Variants in BICC1 observed in about 807,000 individuals in gnomAD.
The protein encoded by BICC1 is protein bicaudal C homolog 1.
In BICC1, 43 loss-of-function variants were observed where a neutral mutation model predicts 111.0. The observed-to-expected ratio is 0.39, with a 90% CI of 0.30 to 0.50. The LOEUF (loss-of-function observed/expected upper bound fraction) is 0.50, where lower values mean the gene tolerates loss of function less well. Among genes scored for constraint, BICC1 ranks in the 20% least tolerant of loss-of-function variants. BICC1 has a pLI of 0.88. For missense variants in BICC1, 1,091 were observed against 1,203.2 expected (o/e 0.91, Z 1.38); for synonymous variants, 467 against 434.4 (o/e 1.07, Z -0.93).
At chr10:58,747,502 A>C (rs1222459582) in intron 3 of BICC1, among the ~76,000 whole-genome samples, 1 of 152,100 alleles carries the variant, frequency 6.6e-6, no homozygotes, top group African/African-American at 2.4e-5. Flanking sequence ...AAATTATCGT[A>C]TACATTTATG....
chr10:58,716,953 T>C lies in BICC1; in HGVS notation c.307+14810T>C, dbSNP rs1196623563. On this transcript the variant is annotated intron_variant, in intron 3 of 20. Transcript: ENST00000373886. ...TCCTTGGATGCTGTCATATGCTGCT[T>C]TGAGTGAACCAGAGAAACAGCCATT... Among the ~76,000 whole-genome samples the C allele has an allele frequency of 8.0e-5, 12 of 149,278 alleles. No individual in the cohort carries two copies. The East Asian group carries it at 2.3e-3, about 29-fold the overall frequency.
intron 2 of BICC1, among the ~76,000 whole-genome samples, chr10:58,645,853 T>A (rs1030487299): frequency 2.0e-5 from 3 of 152,198 alleles, no homozygotes; most frequent in Non-Finnish European, 4.4e-5. Flanking sequence ...GTTGCCTTTT[T>A]ATTTGGTGTT....
chr10:58,796,781 G>T (rs937695201), intron 10 of BICC1, among the ~76,000 whole-genome samples: 11 of 152,188 alleles, frequency 7.2e-5, no homozygotes, highest in Admixed American at 7.2e-4. Context: ...GGCTGTGTTT[G>T]TTCTAAATTA....
intron 2 of BICC1, among the ~76,000 whole-genome samples, chr10:58,644,497 G>A (rs1212894254): frequency 1.3e-5 from 2 of 152,066 alleles, no homozygotes; most frequent in African/African-American, 4.8e-5. Context: ...ACCCGTCCCC[G>A]TGCCTGGGAA....
At chr10:58,715,521 C>G in intron 3 of BICC1, 2 of 1,319,626 alleles carry the variant, frequency 1.5e-6, no homozygotes, top group South Asian at 1.2e-5. Flanking sequence ...CCTGGTTTCC[C>G]TCGGCGTGCC....
intron 1 of BICC1, 61 bp from the exon 2 acceptor site, chr10:58,620,794 G>A (rs905542671): frequency 1.4e-5 from 22 of 1,534,654 alleles, no homozygotes; most frequent in Admixed American, 7.0e-5. Flanking sequence ...TCTGATGCTC[G>A]AAAGTTTTTT....
intron 1 of BICC1, among the ~76,000 whole-genome samples, chr10:58,566,263 CATATGTAT>C (rs1367351292): frequency 8.1e-6 from 1 of 123,936 alleles, no homozygotes; most frequent in Non-Finnish European, 1.7e-5. Flanking sequence ...TACATACGTG[CATATGTAT>C]ATATGTATAG....
chr10:58,727,665 TA>T (rs1384108420), intron 3 of BICC1, among the ~76,000 whole-genome samples: 1 of 152,180 alleles, frequency 6.6e-6, no homozygotes, highest in Admixed American at 6.5e-5. Context: ...AAAGTTGTAC[TA>T]AAAAATAGAT....
chr10:58,521,793 T>C (rs1324865268), intron 1 of BICC1, among the ~76,000 whole-genome samples: 14 of 66,392 alleles, frequency 2.1e-4, no homozygotes, highest in Admixed American at 1.1e-3. Flanking sequence ...TTTTTTTTTT[T>C]TTTTTTTTTT....
At chr10:58,512,865 C>T (rs1478725336), upstream of BICC1, among the ~76,000 whole-genome samples, 16 of 148,030 alleles carry the variant, frequency 1.1e-4, no homozygotes, top group Non-Finnish European at 2.4e-4. Flanking sequence ...GGCAGCGCGG[C>T]GCGCTCATTC....
intron 2 of BICC1, among the ~76,000 whole-genome samples, chr10:58,686,233 T>C (rs1839721320): frequency 6.6e-6 from 1 of 152,336 alleles, no homozygotes; most frequent in Non-Finnish European, 1.5e-5. Context: ...CCGAGAGATC[T>C]GCTGTTAGTC....
intron 1 of BICC1, among the ~76,000 whole-genome samples, chr10:58,579,924 T>C (rs910235826): frequency 4.6e-5 from 7 of 152,190 alleles, no homozygotes; most frequent in African/African-American, 1.7e-4. Context: ...CACTCCAGTT[T>C]AGTTTCATGG....
intron 3 of BICC1, among the ~76,000 whole-genome samples, chr10:58,774,015 T>C (rs1842685228): frequency 6.6e-6 from 1 of 152,206 alleles, no homozygotes; most frequent in African/African-American, 2.4e-5. Context: ...AGAGAGATGT[T>C]GCCATAAATG....
intron 1 of BICC1, among the ~76,000 whole-genome samples, chr10:58,536,217 C>G (rs1842822915): frequency 6.6e-6 from 1 of 151,448 alleles, no homozygotes; most frequent in African/African-American, 2.4e-5. Flanking sequence ...ACAAACTGAC[C>G]TAAGAGATAT....
intron 18 of BICC1, chr10:58,814,384 G>A (rs1844017829): frequency 2.1e-6 from 1 of 479,208 alleles, no homozygotes; most frequent in South Asian, 2.8e-5. Context: ...TGAACTGTCT[G>A]ACACCTAGTA....
At chr10:58,696,411 G>A (rs906499317) in intron 2 of BICC1, among the ~76,000 whole-genome samples, 47 of 151,966 alleles carry the variant, frequency 3.1e-4, no homozygotes, top group African/African-American at 1.0e-3. Flanking sequence ...TATTCTTTGG[G>A]CAAGCCCTTT....
At chr10:58,531,426 C>A (rs1357400870) in intron 1 of BICC1, among the ~76,000 whole-genome samples, 1 of 151,764 alleles carries the variant, frequency 6.6e-6, no homozygotes, top group African/African-American at 2.4e-5. Context: ...TCTAGCTGGG[C>A]TGATTGGTGA....
intron 11 of BICC1, 142 bp from the exon 12 acceptor site, chr10:58,798,914 T>C: frequency 1.6e-6 from 1 of 635,332 alleles, no homozygotes; most frequent in East Asian, 2.8e-5. Flanking sequence ...TTATAGTAAA[T>C]AGTACCTCTG....
intron 5 of BICC1, among the ~76,000 whole-genome samples, chr10:58,787,513 G>GTC (rs1843046169): frequency 6.6e-6 from 1 of 152,106 alleles, no homozygotes; most frequent in African/African-American, 2.4e-5. Flanking sequence ...CCTTAATTAT[G>GTC]TCTCTCTCTA....
Sources: allele counts gnomAD v4.1 joint callset (sites outside exome capture counted in the v4.1 genomes callset), GRCh38; gene constraint gnomAD v4.1.1; transcripts MANE v1.5; gene names NCBI Gene and HGNC (gene_info 2026-07-23, HGNC 2026-07-21).